APC: variants seen among roughly 807,000 people sequenced by gnomAD.
APC encodes the protein adenomatous polyposis coli protein.
Under a neutral mutation model 247.0 loss-of-function variants are expected in APC, and 72 were observed. The observed-to-expected ratio is 0.29, with a 90% CI of 0.24 to 0.35. The LOEUF (loss-of-function observed/expected upper bound fraction) is 0.35, where lower values mean the gene tolerates loss of function less well. APC is among the 10% of genes least tolerant of loss of function. APC has a pLI of 1.00. For synonymous variants in APC, 1,254 were observed against 1,162.5 expected, an observed-to-expected ratio of 1.08 and a Z score of -1.60; for missense variants, 3,400 against 3,360.7, an observed-to-expected ratio of 1.01 and a Z score of -0.29.
intron 4 of APC, among the ~76,000 whole-genome samples, chr5:112,770,497 C>T (rs1202283350): frequency 6.6e-6 from 1 of 151,974 alleles, no homozygotes; most frequent in Non-Finnish European, 1.5e-5. Context: ...AAAATATGGC[C>T]CAACTTCTAA....
At chr5:112,780,012 T>C (rs1758149445) in intron 5 of APC, among the ~76,000 whole-genome samples, 1 of 152,224 alleles carries the variant, frequency 6.6e-6, no homozygotes, top group Non-Finnish European at 1.5e-5. Context: ...CTGTTACCTA[T>C]CATTTTATTT....
intron 11 of APC, among the ~76,000 whole-genome samples, chr5:112,826,674 C>CA (rs796620960): frequency 0.011 from 1,373 of 126,508 alleles, 18 homozygotes; most frequent in African/African-American, 0.034. Flanking sequence ...AATTATTTGC[C>CA]AAAAAAAAAA....
In APC at chr5:112,767,236, A is replaced by G. The variant is rs763184444; in HGVS notation, c.268A>G (p.Lys90Glu). ...TTTCCCTGGAGTAAAACTGCGGTCAAAAATGTCCCTCCGTTCTTATGGAAG... is the reference window on the plus strand; with the variant it reads ...TTTCCCTGGAGTAAAACTGCGGTCAGAAATGTCCCTCCGTTCTTATGGAAG... ...SNFPGVKLRS[K>E]MSLRSYGSRE... Residue 90 changes from lysine (K) to glutamate (E), a missense_variant, in exon 4 of 16, where the codon AAA becomes GAA. Lys to Glu is a moderately conservative substitution (Grantham distance 56). Transcript: ENST00000257430. 31 of 1,614,096 alleles carry G rather than the reference A, an allele frequency of 1.9e-5. No individual in the cohort carries two copies. Among genetic ancestry groups the G allele is most frequent in the Non-Finnish European group, 2.5e-5 (29 of 1,180,034 alleles).
chr5:112,771,019 T>G (rs1248123164), intron 4 of APC, among the ~76,000 whole-genome samples: 1 of 152,142 alleles, frequency 6.6e-6, no homozygotes, highest in Non-Finnish European at 1.5e-5. Flanking sequence ...TAAGTCTTCA[T>G]GTTTTTTTAT....
In APC at chr5:112,707,749, CCCCTTTG is replaced by C. The variant is rs1415784786; in HGVS notation, c.36_42del (p.Pro14LeufsTer64). ...GCCTCCCTGGGCTCGGGTCCGGTCGCCCCTTTGCCCGCTTCTGTACCACCCTCAGTTC... is the reference window on the plus strand; with the variant it reads ...GCCTCCCTGGGCTCGGGTCCGGTCGCCCCGCTTCTGTACCACCCTCAGTTC... On this transcript the variant is annotated frameshift_variant, in exon 1 of 14. Coordinates refer to the APC transcript ENST00000507379. LOFTEE classifies it high-confidence loss of function. 7.3e-7 allele frequency: 1 copy of C among 1,370,574 alleles called. No individual in the cohort carries two copies. The highest frequency in any genetic ancestry group is 9.6e-7 in the Non-Finnish European group (1 of 1,038,816). 84.9% of individuals were successfully genotyped at this position (1,370,574 alleles called of 1,614,324 possible).
chr5:112,759,335 A>G lies in APC; in HGVS notation c.135+4310A>G, dbSNP rs1036359393. On this transcript the variant is annotated intron_variant, in intron 2 of 15. Coordinates refer to ENST00000257430, the MANE Select transcript of APC (RefSeq NM_000038.6). ...CAGCAGATTTCATTTCTAATGAATA[A>G]TTTTCTTTCTTTCTTTCTTTCTTTT... Among the ~76,000 whole-genome samples, 17 of 146,494 alleles carry G rather than the reference A, an allele frequency of 1.2e-4. No individual in the cohort carries two copies. The East Asian group carries it at 3.2e-3, about 27-fold the overall frequency.
At chr5:112,785,110 A>G (rs1370530067) in intron 6 of APC, among the ~76,000 whole-genome samples, 1 of 152,162 alleles carries the variant, frequency 6.6e-6, no homozygotes, top group Admixed American at 6.6e-5. Flanking sequence ...GCTATCATTA[A>G]TATGTTTGAG....
chr5:112,776,782 AATG>A (rs1233754175), intron 5 of APC, among the ~76,000 whole-genome samples: 4 of 152,144 alleles, frequency 2.6e-5, no homozygotes, highest in Non-Finnish European at 5.9e-5. Context: ...CAGAGGTTGC[AATG>A]ATCCAAGTTC....
Position 112,842,891 on chromosome 5 carries a change from G to A in APC, c.7297G>A (p.Glu2433Lys), listed in dbSNP as rs1766439260. The change falls in exon 16 of 16, where the codon GAA becomes AAA. Residue 2433 changes from glutamate to lysine, a missense_variant. Physicochemically the swap from Glu to Lys is moderately conservative, Grantham distance 56. Coordinates refer to ENST00000257430, the MANE Select transcript of APC (RefSeq NM_000038.6). ...KSSGSESDRS[E>K]RPVLVRQSTF... ...AAGTGGAAGTGAATCTGATAGATCA[G>A]AAAGACCTGTATTAGTACGCCAGTC... 6.2e-7 allele frequency: 1 copy of A among 1,614,072 alleles called. No individual in the cohort carries two copies. Among genetic ancestry groups the A allele is most frequent in the Non-Finnish European group, 8.5e-7 (1 of 1,179,960 alleles).
At chr5:112,803,557 G>A (rs1761056309) in intron 8 of APC, among the ~76,000 whole-genome samples, 1 of 152,168 alleles carries the variant, frequency 6.6e-6, no homozygotes, top group African/African-American at 2.4e-5. Flanking sequence ...TCATAGAACA[G>A]TTGGGAGAGT....
intron 6 of APC, among the ~76,000 whole-genome samples, chr5:112,782,966 TA>T (rs930561655): frequency 6.6e-6 from 1 of 152,254 alleles, no homozygotes; most frequent in African/African-American, 2.4e-5. Flanking sequence ...GGAATTATTT[TA>T]AAATGTTAGG....
At chr5:112,810,075 T>C (rs1206583050) in intron 8 of APC, 4 of 452,188 alleles carry the variant, frequency 8.8e-6, no homozygotes, top group Non-Finnish European at 1.8e-5. Context: ...GAAAAGATCG[T>C]TAACTGATAC....
At position 112,841,228 on chromosome 5, in the gene APC, G is replaced by T. The variant is rs1580662013; in HGVS notation, c.5634G>T (p.Lys1878Asn). Residue 1878 changes from lysine to asparagine, a missense_variant, in exon 16 of 16, where the codon AAG becomes AAT. Physicochemically the swap from Lys to Asn is moderately conservative, Grantham distance 94 (BLOSUM62 0). Transcript: ENST00000257430. This position sits in a 1 kb window ranked among gnomAD's most constrained non-coding sequence, Gnocchi z 4.6. ...DDDDVDLSRE[K>N]AELRKAKENK... Reference sequence around the variant, plus strand: ...ATGATGTTGACCTTTCCAGGGAAAAGGCTGAATTAAGAAAGGCAAAAGAAA... The same window carrying T: ...ATGATGTTGACCTTTCCAGGGAAAATGCTGAATTAAGAAAGGCAAAAGAAA... 3 of 1,613,888 alleles carry T rather than the reference G, an allele frequency of 1.9e-6. No individual in the cohort carries two copies. Among genetic ancestry groups the T allele is most frequent in the Non-Finnish European group, 2.5e-6 (3 of 1,179,832 alleles).
intron 1 of APC, among the ~76,000 whole-genome samples, chr5:112,710,126 T>TA (rs1750765864): frequency 6.6e-6 from 1 of 152,188 alleles, no homozygotes; most frequent in Non-Finnish European, 1.5e-5. Context: ...TCTGTAGACT[T>TA]ACCTTTCTAG....
chr5:112,765,788 A>G (rs1173084480), intron 2 of APC, among the ~76,000 whole-genome samples: 1 of 152,222 alleles, frequency 6.6e-6, no homozygotes, highest in African/African-American at 2.4e-5. Context: ...AAAAGCATCA[A>G]AAGTCAAGAA....
rs1391594497 is a variant in APC, at chr5:112,828,952, T to C, written c.1723T>C (p.Cys575Arg). 1.9e-6 allele frequency: 3 copies of C among 1,612,044 alleles called. No homozygotes were observed. Among genetic ancestry groups the C allele is most frequent in the Non-Finnish European group, 2.5e-6 (3 of 1,178,150 alleles). The change falls in exon 14 of 16, where the codon TGT (cysteine) becomes CGT (arginine). Residue 575 changes from cysteine (C) to arginine (R), a missense_variant. Physicochemically the swap from Cys to Arg is radical, Grantham distance 180. Transcript: ENST00000257430. ...EVGSVKALME[C>R]ALEVKKESTL... ...TGGAAGTGTGAAAGCATTGATGGAA[T>C]GTGCTTTAGAAGTTAAAAAGGTACC... is the stretch of plus-strand genomic sequence containing the variant.
chr5:112,822,060 A>C (rs1763204715), intron 11 of APC, 69 bp downstream of exon 11: 1 of 1,038,798 alleles, frequency 9.6e-7, no homozygotes, highest in Non-Finnish European at 1.5e-6. Flanking sequence ...GTAGAAATTC[A>C]GTATAGTAAA....
chr5:112,743,165 A>G (rs961593736), intron 1 of APC, among the ~76,000 whole-genome samples: 5 of 152,070 alleles, frequency 3.3e-5, no homozygotes, highest in Non-Finnish European at 2.9e-5. Context: ...AGCATTCTAA[A>G]TCTCTCTCTG....
intron 8 of APC, chr5:112,810,406 A>C (rs1761869315): frequency 4.5e-6 from 1 of 221,244 alleles, no homozygotes; most frequent in South Asian, 5.9e-5. Flanking sequence ...ATGCAGTAAG[A>C]GAAGAAGAGC....
Sources: allele counts gnomAD v4.1 joint callset (sites outside exome capture counted in the v4.1 genomes callset), GRCh38; gene constraint gnomAD v4.1.1; non-coding constraint Gnocchi (gnomAD v3.1); transcripts MANE v1.5; gene names NCBI Gene and HGNC (gene_info 2026-07-23, HGNC 2026-07-21).